Variants in NTRK2 observed in about 807,000 individuals in gnomAD.
NTRK2 encodes the protein BDNF/NT-3 growth factors receptor.
In NTRK2, 13 loss-of-function variants were observed where a neutral mutation model predicts 94.5. The observed-to-expected ratio is 0.14, with a 90% CI of 0.09 to 0.22. NTRK2 has a LOEUF of 0.22. NTRK2 is among the 10% of genes least tolerant of loss of function. The pLI is 1.00. For synonymous variants in NTRK2, 372 were observed against 407.4 expected (o/e 0.91, Z 1.05); for missense variants, 639 against 1,071.2 (o/e 0.60, Z 5.63).
intron 6 of NTRK2, among the ~76,000 whole-genome samples, chr9:84,713,991 C>A (rs763485018): frequency 5.3e-5 from 8 of 150,954 alleles, no homozygotes; most frequent in Non-Finnish European, 1.0e-4. Context: ...TCTATGTATT[C>A]TTTCCATTTA....
chr9:84,954,860 C>G (rs1823916244), intron 16 of NTRK2, among the ~76,000 whole-genome samples: 1 of 152,202 alleles, frequency 6.6e-6, no homozygotes, highest in Non-Finnish European at 1.5e-5. Context: ...ATGTCCATCC[C>G]ACTAGGAGAG....
At chr9:84,756,527 A>G (rs530016697) in intron 12 of NTRK2, among the ~76,000 whole-genome samples, 17 of 152,328 alleles carry the variant, frequency 1.1e-4, no homozygotes, top group Admixed American at 4.6e-4. Flanking sequence ...GCTGGAGGAT[A>G]GTTTCGGCTA....
At chr9:84,701,532 T>A (rs2060720515) in intron 2 of NTRK2, among the ~76,000 whole-genome samples, 1 of 150,472 alleles carries the variant, frequency 6.6e-6, no homozygotes, top group Non-Finnish European at 1.5e-5. Context: ...GCTTAGGGGG[T>A]GGGGGAGGGA....
intron 12 of NTRK2, among the ~76,000 whole-genome samples, chr9:84,757,920 A>G (rs1343009461): frequency 6.6e-6 from 1 of 152,168 alleles, no homozygotes; most frequent in African/African-American, 2.4e-5. Flanking sequence ...TACCTTGCAT[A>G]AATGCCTTTC....
chr9:84,766,179 T>C (rs1443518940), intron 12 of NTRK2, among the ~76,000 whole-genome samples: 3 of 152,158 alleles, frequency 2.0e-5, no homozygotes, highest in African/African-American at 7.2e-5. Flanking sequence ...AAAGCTGCTC[T>C]GCTACGATGA....
chr9:84,848,038 T>G (rs1255350406), intron 12 of NTRK2, among the ~76,000 whole-genome samples: 4 of 151,846 alleles, frequency 2.6e-5, no homozygotes, highest in African/African-American at 9.7e-5. Context: ...TCTTGCTGTG[T>G]CCTCACATGG....
chr9:84,948,096 T>G (rs904467492), intron 15 of NTRK2, among the ~76,000 whole-genome samples: 2 of 152,136 alleles, frequency 1.3e-5, no homozygotes, highest in African/African-American at 4.8e-5. Context: ...AACATAAAGT[T>G]TTTAAATCTT....
At chr9:84,895,125 C>T (rs74950137) in intron 14 of NTRK2, among the ~76,000 whole-genome samples, 6,934 of 152,232 alleles carry the variant, frequency 0.046, 198 homozygotes, top group African/African-American at 0.091. Flanking sequence ...ACAGGAGGCT[C>T]GTGGACTTCG....
At chr9:84,725,949 C>T (rs939146842) in intron 8 of NTRK2, among the ~76,000 whole-genome samples, 1 of 152,068 alleles carries the variant, frequency 6.6e-6, no homozygotes, top group African/African-American at 2.4e-5. Context: ...GAAATCTTTC[C>T]GTAAATTATG....
chr9:84,706,179 G>A (rs2061046521), intron 4 of NTRK2, among the ~76,000 whole-genome samples: 1 of 152,150 alleles, frequency 6.6e-6, no homozygotes, highest in Non-Finnish European at 1.5e-5. Context: ...ATGTGGGTGA[G>A]CACTTTATAC....
chr9:84,985,495 G>T (rs1165804034), intron 17 of NTRK2, among the ~76,000 whole-genome samples: 1 of 152,178 alleles, frequency 6.6e-6, no homozygotes, highest in Non-Finnish European at 1.5e-5. Context: ...ACAGCCTAAA[G>T]GTCTGTTAAT....
chr9:84,829,155 C>T (rs370348540), intron 12 of NTRK2, among the ~76,000 whole-genome samples: 1 of 152,144 alleles, frequency 6.6e-6, no homozygotes, highest in East Asian at 1.9e-4. Flanking sequence ...GGTGCCACCA[C>T]ACCTGGCTAA....
intron 17 of NTRK2, among the ~76,000 whole-genome samples, chr9:85,001,316 G>A (rs568276929): frequency 5.6e-4 from 86 of 152,294 alleles, no homozygotes; most frequent in Non-Finnish European, 9.8e-4. Context: ...CAGACAAAAA[G>A]GCTAAAAGTA....
At chr9:84,822,684 G>A (rs2072929248) in intron 12 of NTRK2, among the ~76,000 whole-genome samples, 1 of 152,184 alleles carries the variant, frequency 6.6e-6, no homozygotes, top group African/African-American at 2.4e-5. Context: ...TGGCGAGGCT[G>A]CTGGGGAGTA....
intron 12 of NTRK2, among the ~76,000 whole-genome samples, chr9:84,790,905 G>A (rs1414222881): frequency 6.6e-6 from 1 of 152,186 alleles, no homozygotes; most frequent in Non-Finnish European, 1.5e-5. Flanking sequence ...TATTCAATGT[G>A]TTTCCTCTTC....
At chr9:84,874,619 G>A (rs2075998321) in intron 14 of NTRK2, 1 of 1,061,938 alleles carries the variant, frequency 9.4e-7, no homozygotes, top group Non-Finnish European at 1.1e-6. Context: ...CCCACGGCCA[G>A]GAAGGAAATG....
chr9:84,877,960 T>C (rs1587797650), intron 14 of NTRK2: 1 of 1,008,724 alleles, frequency 9.9e-7, no homozygotes, highest in East Asian at 7.1e-5. Flanking sequence ...GACTTGAGAA[T>C]ATAATTCAAC....
chr9:85,024,894 T>A lies in NTRK2; in HGVS notation c.*3457T>A, dbSNP rs969895822. ...GTTCACATCAGCGCTACCTGTGATG[T>A]TTTCATGTATTTATGTATGTGTTAT... On this transcript the variant is annotated 3_prime_UTR_variant, in exon 19 of 19. Transcript: ENST00000277120. 7.3e-5 allele frequency: 17 copies of A among 232,908 alleles called. No individual in the cohort carries two copies. Among genetic ancestry groups the A allele is most frequent in the Admixed American group, 2.8e-4 (5 of 17,780 alleles). 14.4% of individuals were successfully genotyped at this position (232,908 alleles called of 1,614,324 possible).
At chr9:84,783,247 C>T (rs1366633587) in intron 12 of NTRK2, among the ~76,000 whole-genome samples, 1 of 152,298 alleles carries the variant, frequency 6.6e-6, no homozygotes, top group East Asian at 1.9e-4. Context: ...CTTGACAGTG[C>T]TCTTTATCAC....
Sources: gnomAD v4.1 joint callset for allele counts (sites outside exome capture counted in the v4.1 genomes callset) on GRCh38, gnomAD v4.1.1 for gene constraint, MANE v1.5 for transcripts, NCBI Gene and HGNC (gene_info 2026-07-23, HGNC 2026-07-21) for gene names.